The following SRRM2 variants were observed in gnomAD, a reference collection of about 807,000 sequenced individuals.
SRRM2 encodes serine/arginine repetitive matrix 2.
A neutral mutation model predicts 213.8 loss-of-function variants in SRRM2; 30 were observed. That is an observed-to-expected ratio of 0.14 (90% CI 0.10 to 0.19). SRRM2 has a LOEUF of 0.19. Among genes scored for constraint, SRRM2 ranks in the 10% least tolerant of loss-of-function variants. SRRM2 has a pLI of 1.00. For missense variants in SRRM2, 4,904 were observed against 3,647.0 expected, an observed-to-expected ratio of 1.34 and a Z score of -8.88; for synonymous variants, 2,025 against 1,377.7, an observed-to-expected ratio of 1.47 and a Z score of -10.40.
In SRRM2 at chr16:2,764,013, C is replaced by G. The variant is rs1342042626; in HGVS notation, c.3485C>G (p.Ala1162Gly). 3.1e-6 allele frequency: 5 copies of G among 1,614,172 alleles called. No individual in the cohort carries two copies. In the South Asian group the frequency reaches 5.5e-5, roughly 18 times the overall value. Reference sequence around the variant, plus strand: ...TTGGGGCAGAGTAGATTGGAGACTGCTGAATCAAAAGAGAAAATGGCCTTA... The same window carrying G: ...TTGGGGCAGAGTAGATTGGAGACTGGTGAATCAAAAGAGAAAATGGCCTTA... ...SLLGQSRLET[A>G]ESKEKMALPP... The change falls in exon 11 of 15, where the codon GCT becomes GGT. Residue 1162 changes from alanine (A) to glycine (G), a missense_variant. Ala to Gly is a moderately conservative substitution (Grantham distance 60). Transcript: ENST00000301740.
At position 2,757,951 on chromosome 16, in the gene SRRM2, C is replaced by G. The variant is rs1399233377; in HGVS notation, c.515+6C>G. ...GAGCCTCCCAAACCTTACAGGTATA[C>G]AAGGCCAAGAAACCACTGTCAGCTT... On this transcript the variant is annotated splice_donor_region_variant and intron_variant, in intron 4 of 14. Transcript: ENST00000301740. The G allele has an allele frequency of 2.5e-6, 4 of 1,605,834 alleles. No individual in the cohort carries two copies. The highest frequency in any genetic ancestry group is 2.7e-5 in the African/African-American group (2 of 74,254).
chr16:2,770,827 A>G (rs1173188020), intron 14 of SRRM2, 31 bp from the exon 15 acceptor site: 3 of 1,613,524 alleles, frequency 1.9e-6, no homozygotes, highest in Non-Finnish European at 2.5e-6. Flanking sequence ...TGGGGTGGGA[A>G]CTCCCTGTTG....
chr16:2,768,594 T>A, intron 11 of SRRM2: 1 of 629,860 alleles, frequency 1.6e-6, no homozygotes, highest in Non-Finnish European at 3.0e-6. Context: ...GGAAGGATCT[T>A]CAGAGGTCAT....
rs2068227459 is a variant in SRRM2, at chr16:2,758,465, C to A, written c.516-5C>A. 5.0e-6 allele frequency: 8 copies of A among 1,613,212 alleles called. No individual in the cohort carries two copies. Among genetic ancestry groups the A allele is most frequent in the Non-Finnish European group, 6.8e-6 (8 of 1,179,360 alleles). ...CCATCTCTGCTGCTTTTCATTTTTC[C>A]CTAGCCTTGTTCGGGAGTCTAGCAG... On this transcript the variant is annotated splice_region_variant and splice_polypyrimidine_tract_variant and intron_variant, in intron 4 of 14. Transcript: ENST00000301740.
Position 2,762,387 on chromosome 16 carries a change from C to G in SRRM2, c.1859C>G (p.Pro620Arg). The change falls in exon 11 of 15, where the codon CCT (proline) becomes CGT (arginine). Residue 620 changes from proline (P) to arginine (R), a missense_variant. Coordinates refer to ENST00000301740, the MANE Select transcript of SRRM2 (RefSeq NM_016333.4). Reference protein sequence around the residue: ...ARRGRSRSRTPARRRSRTRSP... With the variant: ...ARRGRSRSRTRARRRSRTRSP... Reference sequence around the variant, plus strand: ...AGGGGCAGGTCTCGGTCTAGAACACCTGCTAGGCGCAGATCTAGGACCCGA... The same window carrying G: ...AGGGGCAGGTCTCGGTCTAGAACACGTGCTAGGCGCAGATCTAGGACCCGA... 6.2e-7 allele frequency: 1 copy of G among 1,614,192 alleles called. No homozygotes were observed. The highest frequency in any genetic ancestry group is 1.3e-5 in the African/African-American group (1 of 75,028).
At chr16:2,768,715 G>C (rs1311771452) in intron 11 of SRRM2, 6 of 705,270 alleles carry the variant, frequency 8.5e-6, no homozygotes, top group African/African-American at 1.7e-5. Context: ...CCCAGCTTCA[G>C]CTTCCACACC....
chr16:2,770,425 C>T lies in SRRM2; in HGVS notation c.8095C>T (p.Arg2699Cys), dbSNP rs371617953. The T allele has an allele frequency of 2.2e-5, 36 of 1,610,474 alleles. No individual in the cohort carries two copies. The highest frequency in any genetic ancestry group is 2.8e-5 in the Non-Finnish European group (33 of 1,178,628). Residue 2699 changes from arginine to cysteine, a missense_variant, in exon 13 of 15, where the codon CGC becomes TGC. Transcript: ENST00000301740. ...RSLSYSPVER[R>C]RPSPQPSPRD... ...CCTCAGCTACTCGCCTGTGGAGCGT[C>T]GCCGTCCCTCGCCCCAGCCCTCACC...
chr16:2,761,884 G>T lies in SRRM2; in HGVS notation c.1356G>T (p.Glu452Asp), dbSNP rs767108797. 6.2e-7 allele frequency: 1 copy of T among 1,612,714 alleles called. No homozygotes were observed. Among genetic ancestry groups the T allele is most frequent in the Non-Finnish European group, 8.5e-7 (1 of 1,180,028 alleles). The change falls in exon 11 of 15, where the codon GAG (glutamate) becomes GAT (aspartate). Residue 452 changes from glutamate to aspartate, a missense_variant. Glu to Asp is a conservative substitution (Grantham distance 45, BLOSUM62 2). Transcript: ENST00000301740. The stretch of plus-strand genomic sequence containing the variant: ...CTCCAGCTCCAGGGTCCCACCGAGA[G>T]ATTTCTTCTTCTCCCACATCTAAGA... Reference protein sequence around the residue: ...KPAPAPGSHREISSSPTSKNR... With the variant: ...KPAPAPGSHRDISSSPTSKNR...
Position 2,767,448 on chromosome 16 carries a change from C to G in SRRM2, c.6920C>G (p.Ala2307Gly). The change falls in exon 11 of 15, where the codon GCA becomes GGA. Residue 2307 changes from alanine to glycine, a missense_variant. By Grantham distance (60) the Ala-to-Gly change is moderately conservative (BLOSUM62 0). Coordinates refer to ENST00000301740, the MANE Select transcript of SRRM2 (RefSeq NM_016333.4). The stretch of plus-strand genomic sequence containing the variant: ...GGGGCCAGAACCCCAGCTGCCTTGG[C>G]AGCTCTGAGTCTCACAGGCTCTGGC... ...LAGARTPAALAALSLTGSGTP... is the reference protein window; with the variant it reads ...LAGARTPAALGALSLTGSGTP... The G allele has an allele frequency of 6.2e-7, 1 of 1,614,238 alleles. No homozygotes were observed. Among genetic ancestry groups the G allele is most frequent in the Non-Finnish European group, 8.5e-7 (1 of 1,180,046 alleles).
rs762670589 is a variant in SRRM2, at chr16:2,768,150, G to GCTC, written c.7629_7631dup (p.Ser2556dup). On this transcript the variant is annotated inframe_insertion, in exon 11 of 15. Coordinates refer to ENST00000301740, the MANE Select transcript of SRRM2 (RefSeq NM_016333.4). ...TCCTCCTCGTCGTCGTCGTCCTCTA[G>GCTC]CTCCTCCTCTTCTTCATCATCGTCG... 1.9e-5 allele frequency: 31 copies of GCTC among 1,613,412 alleles called. No homozygotes were observed. Among genetic ancestry groups the GCTC allele is most frequent in the South Asian group, 6.6e-5 (6 of 91,052 alleles).
At chr16:2,755,816 C>G (rs1689368977) in intron 1 of SRRM2, among the ~76,000 whole-genome samples, 1 of 152,096 alleles carries the variant, frequency 6.6e-6, no homozygotes, top group African/African-American at 2.4e-5. Context: ...GGTCTGAAAT[C>G]CTTAGGTAAG....
rs1403958100 is a variant in SRRM2 at position 2,764,582 on chromosome 16, AAAG to A, written c.4059_4061del (p.Glu1353del). The A allele has an allele frequency of 3.7e-6, 6 of 1,614,112 alleles. No homozygotes were observed. In the African/African-American group the frequency reaches 4.0e-5, roughly 11 times the overall value. ...GAATACTGGATTTTCTTCTGAGGTT[AAAG>A]AAGATTTGAATGGACCGTTTCTTAA... On this transcript the variant is annotated inframe_deletion, in exon 11 of 15. Transcript: ENST00000301740.
intron 12 of SRRM2, 102 bp from the exon 13 acceptor site, chr16:2,770,250 G>A: frequency 6.8e-7 from 1 of 1,469,216 alleles, no homozygotes. Context: ...CTGGCCCTGT[G>A]TGGTGTGAGG....
At chr16:2,770,520 A>G (rs1252813912) in intron 13 of SRRM2, 55 bp downstream of exon 13, 1 of 1,565,450 alleles carries the variant, frequency 6.4e-7, no homozygotes. Flanking sequence ...ACTGCTTTCT[A>G]CAAAGAAGAA....
Position 2,765,509 on chromosome 16 carries a change from C to T in SRRM2, c.4981C>T (p.His1661Tyr), listed in dbSNP as rs368640378. 1.8e-5 allele frequency: 29 copies of T among 1,614,086 alleles called. No homozygotes were observed. In the African/African-American group the frequency reaches 2.1e-4, roughly 12 times the overall value. ...CAGCAGTACCGAGTCCTCTCCTGAA[C>T]ATCCGCCCAAATCCAGAACTGCTCG... ...GSSSTESSPE[H>Y]PPKSRTARRG... The change falls in exon 11 of 15, where the codon CAT (histidine) becomes TAT (tyrosine). Residue 1661 changes from histidine (H) to tyrosine (Y), a missense_variant. His to Tyr is a moderately conservative substitution (Grantham distance 83, BLOSUM62 2). Coordinates refer to ENST00000301740, the MANE Select transcript of SRRM2 (RefSeq NM_016333.4).
At position 2,761,897 on chromosome 16, in the gene SRRM2, C is replaced by T. The variant is rs2068364303; in HGVS notation, c.1369C>T (p.Pro457Ser). The T allele has an allele frequency of 9.3e-6, 15 of 1,613,332 alleles. No individual in the cohort carries two copies. Among genetic ancestry groups the T allele is most frequent in the Non-Finnish European group, 1.3e-5 (15 of 1,180,032 alleles). The change falls in exon 11 of 15, where the codon CCC becomes TCC. Residue 457 changes from proline (P) to serine (S), a missense_variant. Pro to Ser is a moderately conservative substitution (Grantham distance 74). Transcript: ENST00000301740. ...GTCCCACCGAGAGATTTCTTCTTCTCCCACATCTAAGAATCGCTCACATGG... is the reference window on the plus strand; with the variant it reads ...GTCCCACCGAGAGATTTCTTCTTCTTCCACATCTAAGAATCGCTCACATGG... ...PGSHREISSS[P>S]TSKNRSHGRA...
chr16:2,770,287 G>T, intron 12 of SRRM2, 65 bp from the exon 13 acceptor site: 1 of 1,497,030 alleles, frequency 6.7e-7, no homozygotes, highest in Non-Finnish European at 9.0e-7. Context: ...TGGGCGGGTG[G>T]TCCTGAGTGC....
chr16:2,759,241 A>G lies in SRRM2; in HGVS notation c.689+69A>G, dbSNP rs370053653. 1.1e-5 allele frequency: 18 copies of G among 1,604,270 alleles called. No homozygotes were observed. The African/African-American group carries it at 2.3e-4, about 20-fold the overall frequency. On this transcript the variant is annotated intron_variant, in intron 7 of 14. Coordinates refer to ENST00000301740, the MANE Select transcript of SRRM2 (RefSeq NM_016333.4). ...TGGTGATTTTTTTTTCTTGGAGTGA[A>G]GCTCAATTCCTTGATCTTCCTTGTG...
chr16:2,770,943 T>C lies in SRRM2; in HGVS notation c.*76T>C. On this transcript the variant is annotated 3_prime_UTR_variant, in exon 15 of 15. Coordinates refer to ENST00000301740, the MANE Select transcript of SRRM2 (RefSeq NM_016333.4). ...TGTCCCTTCTTCCCCAGCAGAGCCG[T>C]GGGAGGGTCCTTGTCTGCTCTCCTT... The C allele has an allele frequency of 1.3e-6, 2 of 1,589,600 alleles. No homozygotes were observed. The highest frequency in any genetic ancestry group is 1.3e-5 in the African/African-American group (1 of 74,592).
Sources: allele counts gnomAD v4.1 joint callset (sites outside exome capture counted in the v4.1 genomes callset), GRCh38; gene constraint gnomAD v4.1.1; transcripts MANE v1.5; gene names NCBI Gene and HGNC (gene_info 2026-07-23, HGNC 2026-07-21).